SYK: variants seen among roughly 807,000 people sequenced by gnomAD.
The protein encoded by SYK is tyrosine-protein kinase SYK.
Under a neutral mutation model 77.8 loss-of-function variants are expected in SYK, and 16 were observed. The observed-to-expected ratio is 0.21, with a 90% CI of 0.14 to 0.31. The LOEUF (loss-of-function observed/expected upper bound fraction) is 0.31. Ranked by LOEUF, SYK falls within the 10% of genes least tolerant of loss-of-function variation. The probability of loss-of-function intolerance (pLI) is 1.00; values close to 1 mark genes in which losing one functional copy is unlikely to be tolerated. For missense variants in SYK, 529 were observed against 814.4 expected (o/e 0.65, Z 4.26); for synonymous variants, 312 against 308.7 (o/e 1.01, Z -0.11).
chr9:90,816,964 G>T (rs1825312341), intron 1 of SYK, among the ~76,000 whole-genome samples: 1 of 152,112 alleles, frequency 6.6e-6, no homozygotes, highest in African/African-American at 2.4e-5. Context: ...AGTTGATTTT[G>T]TATCTTGGCT....
chr9:90,862,445 GC>G, intron 4 of SYK, 101 bp downstream of exon 4: 2 of 1,395,142 alleles, frequency 1.4e-6, no homozygotes, highest in South Asian at 3.0e-5. Flanking sequence ...ACCACCCACT[GC>G]CCACAGTGTG....
intron 1 of SYK, among the ~76,000 whole-genome samples, chr9:90,804,601 A>G (rs577085045): frequency 7.9e-5 from 12 of 152,348 alleles, no homozygotes; most frequent in African/African-American, 2.9e-4. Flanking sequence ...AACAACAACA[A>G]CAACAGGAAT....
At chr9:90,894,151 C>T (rs887182710) in intron 13 of SYK, among the ~76,000 whole-genome samples, 4 of 152,124 alleles carry the variant, frequency 2.6e-5, no homozygotes, top group Non-Finnish European at 5.9e-5. Flanking sequence ...CATTTGGATC[C>T]CCACAGTTGG....
At chr9:90,886,376 T>C (rs1828577087) in intron 11 of SYK, among the ~76,000 whole-genome samples, 1 of 152,202 alleles carries the variant, frequency 6.6e-6, no homozygotes, top group Non-Finnish European at 1.5e-5. Context: ...TGTAAATTAG[T>C]ATAGTCACTA....
intron 3 of SYK, among the ~76,000 whole-genome samples, chr9:90,855,207 G>A (rs1447580482): frequency 6.6e-6 from 1 of 152,136 alleles, no homozygotes; most frequent in African/African-American, 2.4e-5. Context: ...ATTTCTTAGA[G>A]AAATGGGATA....
At chr9:90,841,761 T>G (rs980201498) in intron 1 of SYK, among the ~76,000 whole-genome samples, 6 of 150,452 alleles carry the variant, frequency 4.0e-5, no homozygotes, top group Non-Finnish European at 8.9e-5. Flanking sequence ...GTGTGGTGTA[T>G]GTGATGTGTG....
chr9:90,862,395 G>T, intron 4 of SYK, 51 bp downstream of exon 4: 1 of 1,581,290 alleles, frequency 6.3e-7, no homozygotes, highest in Non-Finnish European at 8.6e-7. Context: ...GGCACGTGGG[G>T]CTCCTTGTCC....
Position 90,877,667 on chromosome 9 carries a change from G to A in SYK, c.1278G>A (p.Gln426=), listed in dbSNP as rs2118887959. Residue 426 remains glutamine (Q), a synonymous_variant, in exon 10 of 14, where the codon CAG becomes CAA. Transcript: ENST00000375754. ...TAGCAGAAGCAAATGTCATGCAGCAGCTGGACAACCCGTACATCGTGCGGA... is the reference window on the plus strand; with the variant it reads ...TAGCAGAAGCAAATGTCATGCAGCAACTGGACAACCCGTACATCGTGCGGA... ...ELLAEANVMQ[Q]LDNPYIVRMI... The A allele has an allele frequency of 6.2e-7, 1 of 1,614,274 alleles. No homozygotes were observed. Among genetic ancestry groups the A allele is most frequent in the Non-Finnish European group, 8.5e-7 (1 of 1,180,038 alleles).
At chr9:90,886,477 A>G (rs290257) in intron 11 of SYK, among the ~76,000 whole-genome samples, 128,115 of 152,212 alleles carry the variant, frequency 0.84, 54,306 homozygotes, top group East Asian at 0.95. Flanking sequence ...AGCCCGAGGC[A>G]GGCAGATCAC....
At chr9:90,854,020 C>T (rs909583737) in intron 3 of SYK, among the ~76,000 whole-genome samples, 5 of 152,012 alleles carry the variant, frequency 3.3e-5, no homozygotes, top group Non-Finnish European at 5.9e-5. Context: ...AGTGGGTGTG[C>T]AGGAGCCCGG....
At chr9:90,864,511 C>A in intron 4 of SYK, 78 bp from the exon 5 acceptor site, 1 of 1,272,930 alleles carries the variant, frequency 7.9e-7, no homozygotes. Context: ...GCCCAACAGT[C>A]AGTCAGTAGC....
intron 7 of SYK, among the ~76,000 whole-genome samples, chr9:90,873,360 A>G (rs1189598817): frequency 1.3e-5 from 2 of 151,864 alleles, no homozygotes; most frequent in African/African-American, 4.8e-5. Flanking sequence ...AAAAAAAAGC[A>G]TCTGAATCAT....
At chr9:90,892,171 A>G (rs1828817523) in intron 13 of SYK, among the ~76,000 whole-genome samples, 1 of 152,254 alleles carries the variant, frequency 6.6e-6, no homozygotes, top group Non-Finnish European at 1.5e-5. Context: ...ACAAAGAACC[A>G]TACATTTAAG....
chr9:90,802,657 T>C (rs920609510), intron 1 of SYK, among the ~76,000 whole-genome samples: 2 of 152,152 alleles, frequency 1.3e-5, no homozygotes, highest in South Asian at 2.1e-4. Context: ...TCCATTCTTT[T>C]GTTGGAATGT....
At chr9:90,856,922 G>A (rs902938066) in intron 3 of SYK, among the ~76,000 whole-genome samples, 4 of 152,220 alleles carry the variant, frequency 2.6e-5, no homozygotes, top group African/African-American at 9.6e-5. Context: ...CCTCTTCACA[G>A]GTCCTTGCTT....
chr9:90,864,280 A>C (rs1489774067), intron 4 of SYK, among the ~76,000 whole-genome samples: 2 of 152,198 alleles, frequency 1.3e-5, no homozygotes, highest in African/African-American at 4.8e-5. Flanking sequence ...TATGCTGTTA[A>C]AGGTGTTGTT....
chr9:90,820,296 G>T (rs1478814092), intron 1 of SYK, among the ~76,000 whole-genome samples: 1 of 152,232 alleles, frequency 6.6e-6, no homozygotes, highest in African/African-American at 2.4e-5. Flanking sequence ...TGCCCCAGTA[G>T]GGACTCTGTG....
At chr9:90,838,693 G>A (rs1165038554) in intron 1 of SYK, among the ~76,000 whole-genome samples, 1 of 152,198 alleles carries the variant, frequency 6.6e-6, no homozygotes, top group East Asian at 1.9e-4. Context: ...GCTTTGGAAT[G>A]AAGTAGTGTC....
At chr9:90,814,440 G>T (rs290232) in intron 1 of SYK, among the ~76,000 whole-genome samples, 117,751 of 152,158 alleles carry the variant, frequency 0.77, 46,074 homozygotes, top group East Asian at 0.99. Context: ...CAGGCCAGGT[G>T]TCAGGGACCA....
Sources: gnomAD v4.1 joint callset for allele counts (sites outside exome capture counted in the v4.1 genomes callset) on GRCh38, gnomAD v4.1.1 for gene constraint, MANE v1.5 for transcripts, NCBI Gene and HGNC (gene_info 2026-07-23, HGNC 2026-07-21) for gene names.